HAO1: variants seen among roughly 807,000 people sequenced by gnomAD.
HAO1 encodes 2-Hydroxyacid oxidase 1.
HAO1 carries 34 observed loss-of-function variants against 39.7 expected under a neutral mutation model. That is an observed-to-expected ratio of 0.86 (90% confidence interval 0.65 to 1.14). HAO1 has a LOEUF of 1.14. Among genes scored for constraint, HAO1 ranks in the 50% most tolerant of loss-of-function variants. The pLI is 0.00. For missense variants in HAO1, 479 were observed against 464.5 expected (o/e 1.03, Z -0.29); for synonymous variants, 172 against 173.2 (o/e 0.99, Z 0.05).
chr20:7,915,855 T>C (rs1466900691), intron 2 of HAO1, among the ~76,000 whole-genome samples: 1 of 152,218 alleles, frequency 6.6e-6, no homozygotes, highest in Non-Finnish European at 1.5e-5. Flanking sequence ...CTAAACAAAC[T>C]ACATGCTAAT....
intron 1 of HAO1, among the ~76,000 whole-genome samples, chr20:7,935,982 G>A (rs1234099487): frequency 2.6e-5 from 4 of 151,838 alleles, no homozygotes; most frequent in African/African-American, 9.7e-5. Context: ...AGTGAAGTAT[G>A]ATATAGTAAT....
At chr20:7,893,317 G>A (rs974515716) in intron 5 of HAO1, among the ~76,000 whole-genome samples, 1 of 152,126 alleles carries the variant, frequency 6.6e-6, no homozygotes, top group African/African-American at 2.4e-5. Flanking sequence ...CTAACTTTGG[G>A]AGAAACTTAG....
Position 7,883,641 on chromosome 20 carries a change from G to A in HAO1, c.1065C>T (p.Ile355=), listed in dbSNP as rs202122200. 1.7e-5 allele frequency: 27 copies of A among 1,612,034 alleles called. No individual in the cohort carries two copies. The highest frequency in any genetic ancestry group is 8.3e-5 in the Admixed American group (5 of 59,994). Reference sequence around the variant, plus strand: ...GATTTTTCCTCACCAATGTCTTGTCGATGACTTTCACATTCTGGCACCCTG... The same window carrying A: ...GATTTTTCCTCACCAATGTCTTGTCAATGACTTTCACATTCTGGCACCCTG... The part of the protein sequence containing the change: ...ALSGCQNVKV[I]DKTLVRKNPL... The change falls in exon 8 of 8, where the codon ATC becomes ATT. Residue 355 remains isoleucine, a synonymous_variant. Transcript: ENST00000378789.
At chr20:7,885,259 G>A (rs1391830327) in intron 7 of HAO1, among the ~76,000 whole-genome samples, 1 of 152,034 alleles carries the variant, frequency 6.6e-6, no homozygotes, top group Non-Finnish European at 1.5e-5. Context: ...TATGAGATGA[G>A]GAAGAATATG....
intron 5 of HAO1, among the ~76,000 whole-genome samples, chr20:7,890,867 T>C (rs1342570554): frequency 6.6e-6 from 1 of 152,196 alleles, no homozygotes; most frequent in African/African-American, 2.4e-5. Flanking sequence ...TCACTGCAAA[T>C]GCTGTTAATT....
At chr20:7,919,503 G>A (rs1026527570) in intron 2 of HAO1, among the ~76,000 whole-genome samples, 3 of 152,118 alleles carry the variant, frequency 2.0e-5, no homozygotes, top group African/African-American at 7.2e-5. Context: ...CAAAGATAAG[G>A]CTACCTATAT....
chr20:7,924,459 T>C (rs577049432), intron 2 of HAO1, among the ~76,000 whole-genome samples: 1 of 152,214 alleles, frequency 6.6e-6, no homozygotes, highest in South Asian at 2.1e-4. Flanking sequence ...AAAACTGAAG[T>C]TTATCATGCT....
At chr20:7,939,099 A>G (rs1389340666) in intron 1 of HAO1, among the ~76,000 whole-genome samples, 1 of 140,810 alleles carries the variant, frequency 7.1e-6, no homozygotes, top group Non-Finnish European at 1.5e-5. Context: ...TTCCAAGAGC[A>G]GAAACTTTTA....
chr20:7,912,331 T>C (rs1018660346), intron 3 of HAO1, among the ~76,000 whole-genome samples: 11 of 152,198 alleles, frequency 7.2e-5, no homozygotes, highest in African/African-American at 2.7e-4. Flanking sequence ...CTGTGTCATC[T>C]GCACCCCATC....
chr20:7,932,470 T>C (rs1458617415), intron 2 of HAO1, among the ~76,000 whole-genome samples: 1 of 152,154 alleles, frequency 6.6e-6, no homozygotes, highest in African/African-American at 2.4e-5. Flanking sequence ...ATTTCCTCCT[T>C]ACAAAATAAT....
intron 3 of HAO1, among the ~76,000 whole-genome samples, chr20:7,911,975 C>T (rs2050282047): frequency 6.6e-6 from 1 of 152,208 alleles, no homozygotes; most frequent in African/African-American, 2.4e-5. Flanking sequence ...AGGAACTGAC[C>T]AGAAGGCACT....
chr20:7,934,501 T>C lies in HAO1; in HGVS notation c.272A>G (p.Glu91Gly). ...AMQRMAHVDG[E>G]LATVRACQSL... ...CCTCCTACCTCTCACAGTGGCAAGC[T>C]CGCCGTCCACATGAGCCATGCGCTG... Residue 91 changes from glutamate to glycine, a missense_variant, in exon 2 of 8, where the codon GAG (glutamate) becomes GGG (glycine). By Grantham distance (98) the Glu-to-Gly change is moderately conservative. Coordinates refer to ENST00000378789, the MANE Select transcript of HAO1 (RefSeq NM_017545.3). The C allele has an allele frequency of 6.2e-7, 1 of 1,610,618 alleles. No individual in the cohort carries two copies. The highest frequency in any genetic ancestry group is 1.3e-5 in the African/African-American group (1 of 74,728).
rs201470545 is a variant in HAO1 at position 7,886,102 on chromosome 20, CT to C, written c.814-239del. ...TTTTTCTTTTAAAGTGCAAGGTTGTCTTTTTTTCTGTTTCTTATATTCAAAG... is the reference window on the plus strand; with the variant it reads ...TTTTTCTTTTAAAGTGCAAGGTTGTCTTTTTTCTGTTTCTTATATTCAAAG... On this transcript the variant is annotated intron_variant, in intron 5 of 7. Coordinates refer to ENST00000378789, the MANE Select transcript of HAO1 (RefSeq NM_017545.3). 8.4e-3 allele frequency among the ~76,000 whole-genome samples: 1,285 copies of C among 152,178 alleles called. 15 individuals carry two copies. Among genetic ancestry groups the C allele is most frequent in the African/African-American group, 0.028 (1,167 of 41,530 alleles).
At chr20:7,884,963 G>A (rs1199207873) in intron 7 of HAO1, among the ~76,000 whole-genome samples, 1 of 152,174 alleles carries the variant, frequency 6.6e-6, no homozygotes, top group Non-Finnish European at 1.5e-5. Context: ...AGCCAGGGCG[G>A]TGGCAGTGGA....
intron 3 of HAO1, among the ~76,000 whole-genome samples, chr20:7,912,241 G>A (rs2050283544): frequency 1.3e-5 from 2 of 152,054 alleles, no homozygotes. Flanking sequence ...AGAAAAGGGG[G>A]GAAAGCAAAT....
intron 2 of HAO1, among the ~76,000 whole-genome samples, chr20:7,930,015 T>C (rs957010068): frequency 2.6e-5 from 4 of 152,144 alleles, no homozygotes; most frequent in Non-Finnish European, 4.4e-5. Context: ...TATGGCACCA[T>C]AGCAATTCCC....
At position 7,914,282 on chromosome 20, in the gene HAO1, G is replaced by A; in HGVS notation, c.427C>T (p.Leu143=). ...IYKDREVTKK[L]VRQAEKMGYK... ...CCCATCTTCTCTGCCTGCCGCACTA[G>A]CTTCTTGGTGACTTCTCGGTCCTTG... Residue 143 remains leucine, a synonymous_variant, in exon 3 of 8, where the codon CTA becomes TTA. Coordinates refer to ENST00000378789, the MANE Select transcript of HAO1 (RefSeq NM_017545.3). The A allele has an allele frequency of 6.2e-7, 1 of 1,614,020 alleles. No individual in the cohort carries two copies. Among genetic ancestry groups the A allele is most frequent in the East Asian group, 2.2e-5 (1 of 44,834 alleles).
intron 2 of HAO1, among the ~76,000 whole-genome samples, chr20:7,922,138 G>T (rs1225104924): frequency 2.0e-5 from 3 of 151,974 alleles, no homozygotes; most frequent in Non-Finnish European, 4.4e-5. Context: ...AATTGGCAAA[G>T]GATCTGAACA....
chr20:7,892,657 C>T (rs6055372), intron 5 of HAO1, among the ~76,000 whole-genome samples: 18,350 of 151,992 alleles, frequency 0.12, 3,268 homozygotes, highest in African/African-American at 0.39. Flanking sequence ...TAATAACTAC[C>T]ACTGAAGGGT....
Sources: gnomAD v4.1 joint callset for allele counts (sites outside exome capture counted in the v4.1 genomes callset) on GRCh38, gnomAD v4.1.1 for gene constraint, MANE v1.5 for transcripts, NCBI Gene and HGNC (gene_info 2026-07-23, HGNC 2026-07-21) for gene names.